HECW1: variants seen among roughly 807,000 people sequenced by gnomAD.
HECW1 encodes the protein E3 ubiquitin-protein ligase HECW1.
Under a neutral mutation model 182.3 loss-of-function variants are expected in HECW1, and 61 were observed. The ratio of observed to expected loss-of-function variants is 0.33; its 90% CI spans 0.27 to 0.41. The LOEUF (loss-of-function observed/expected upper bound fraction) is 0.41. Ranked by LOEUF, HECW1 falls within the 10% of genes least tolerant of loss-of-function variation. The pLI is 1.00. For missense variants in HECW1, 1,739 were observed against 2,108.9 expected, an observed-to-expected ratio of 0.82 and a Z score of 3.44; for synonymous variants, 859 against 832.6, an observed-to-expected ratio of 1.03 and a Z score of -0.55.
intron 19 of HECW1, among the ~76,000 whole-genome samples, chr7:43,499,131 AT>A (rs1388661446): frequency 6.6e-6 from 1 of 151,976 alleles, no homozygotes; most frequent in Non-Finnish European, 1.5e-5. Context: ...AAATACAAAA[AT>A]TAGCCAAGCC....
chr7:43,355,799 G>A (rs146803835), intron 5 of HECW1, among the ~76,000 whole-genome samples: 1,534 of 152,040 alleles, frequency 0.01, 14 homozygotes, highest in Non-Finnish European at 0.016. Flanking sequence ...GACCATCCTG[G>A]CCAACATGGT....
chr7:43,251,582 C>G (rs1031588385), intron 3 of HECW1, among the ~76,000 whole-genome samples: 3 of 152,198 alleles, frequency 2.0e-5, no homozygotes, highest in Non-Finnish European at 4.4e-5. Flanking sequence ...TCCCAAAGTG[C>G]TGAGATTACA....
intron 2 of HECW1, among the ~76,000 whole-genome samples, chr7:43,212,272 T>G (rs1317355328): frequency 1.3e-5 from 2 of 152,198 alleles, no homozygotes; most frequent in Non-Finnish European, 2.9e-5. Flanking sequence ...ATTAAGGTAG[T>G]CAAAATCTGG....
intron 13 of HECW1, among the ~76,000 whole-genome samples, chr7:43,459,303 A>G (rs1390157953): frequency 6.6e-6 from 1 of 152,204 alleles, no homozygotes; most frequent in Non-Finnish European, 1.5e-5. Flanking sequence ...GAAGTTTAAT[A>G]CTACTCAGTA....
At chr7:43,523,754 G>A (rs974146514) in intron 24 of HECW1, among the ~76,000 whole-genome samples, 3 of 152,210 alleles carry the variant, frequency 2.0e-5, no homozygotes, top group Non-Finnish European at 4.4e-5. Flanking sequence ...GAACCAGAGG[G>A]AGGGAGAGGC....
chr7:43,248,683 C>T (rs1799683594), intron 3 of HECW1: 2 of 136,564 alleles, frequency 1.5e-5, no homozygotes, highest in African/African-American at 2.9e-5. Context: ...TCCTCCTCCT[C>T]CTCCTCCTCC....
intron 3 of HECW1, among the ~76,000 whole-genome samples, chr7:43,284,076 G>T (rs1804281563): frequency 6.6e-6 from 1 of 152,144 alleles, no homozygotes; most frequent in East Asian, 1.9e-4. Flanking sequence ...GGGCTCTCCT[G>T]TGTTTGAGAT....
rs761747578 is a variant in HECW1 at position 43,206,860 on chromosome 7, A to C, written c.-31-37015A>C. Among the ~76,000 whole-genome samples, 6 of 151,496 alleles carry C rather than the reference A, an allele frequency of 4.0e-5. No homozygotes were observed. In the East Asian group the frequency reaches 1.2e-3, roughly 29 times the overall value. On this transcript the variant is annotated intron_variant, in intron 2 of 29. Coordinates refer to ENST00000395891, the MANE Select transcript of HECW1 (RefSeq NM_015052.5). ...ATCTTTAAGCTATTTAGAATGAAAA[A>C]CTCTCTCGGTCTTTGTTATAGCTGA...
intron 6 of HECW1, among the ~76,000 whole-genome samples, chr7:43,369,860 G>A (rs762137246): frequency 6.6e-6 from 1 of 152,168 alleles, no homozygotes; most frequent in Non-Finnish European, 1.5e-5. Context: ...AAATGGATGA[G>A]TTCACAGGTG....
At chr7:43,140,918 A>T (rs1788086697) in intron 2 of HECW1, among the ~76,000 whole-genome samples, 1 of 152,172 alleles carries the variant, frequency 6.6e-6, no homozygotes, top group Admixed American at 6.5e-5. Context: ...AGAGAGAGAG[A>T]CAGAGCTCCC....
intron 2 of HECW1, among the ~76,000 whole-genome samples, chr7:43,210,843 G>A (rs1278549503): frequency 1.3e-5 from 2 of 152,214 alleles, no homozygotes; most frequent in Non-Finnish European, 2.9e-5. Flanking sequence ...GTCTGCAATG[G>A]CGGTAAATAT....
intron 17 of HECW1, among the ~76,000 whole-genome samples, chr7:43,491,198 G>A (rs1450303683): frequency 6.6e-6 from 1 of 152,196 alleles, no homozygotes; most frequent in Non-Finnish European, 1.5e-5. Flanking sequence ...GTAAACAAGT[G>A]CTTTGCAGTC....
chr7:43,190,675 C>T (rs1002797766), intron 2 of HECW1, among the ~76,000 whole-genome samples: 2 of 152,208 alleles, frequency 1.3e-5, no homozygotes, highest in African/African-American at 4.8e-5. Flanking sequence ...TTGAGAAATG[C>T]TCTAACCATC....
At chr7:43,121,579 AG>A (rs1785625635) in intron 2 of HECW1, among the ~76,000 whole-genome samples, 2 of 152,128 alleles carry the variant, frequency 1.3e-5, no homozygotes, top group Non-Finnish European at 2.9e-5. Context: ...TTATACATAT[AG>A]TGATATTTTA....
intron 2 of HECW1, among the ~76,000 whole-genome samples, chr7:43,185,156 G>T (rs111657198): frequency 6.6e-5 from 10 of 152,226 alleles, no homozygotes; most frequent in Non-Finnish European, 8.8e-5. Flanking sequence ...GGGATGGTGG[G>T]GGGGAAGGGG....
At chr7:43,545,273 G>A (rs1035165734) in intron 26 of HECW1, among the ~76,000 whole-genome samples, 4 of 152,148 alleles carry the variant, frequency 2.6e-5, no homozygotes, top group Admixed American at 2.0e-4. Context: ...TTTATTCCAT[G>A]GCCATATACT....
In HECW1 at chr7:43,203,112, G is replaced by C. The variant is rs560428621; in HGVS notation, c.-31-40763G>C. On this transcript the variant is annotated intron_variant, in intron 2 of 29. Transcript: ENST00000395891. ...GACGCGCGTGACACTCAGGCGATCT[G>C]CCTGCCTCGACTTCCCAAAGTGCCG... 8.9e-4 allele frequency among the ~76,000 whole-genome samples: 135 copies of C among 152,238 alleles called. No homozygotes were observed. The Middle Eastern group carries it at 0.01, about 12-fold the overall frequency.
At chr7:43,300,718 ACCCC>A (rs1282919542) in intron 3 of HECW1, among the ~76,000 whole-genome samples, 4 of 152,048 alleles carry the variant, frequency 2.6e-5, no homozygotes, top group African/African-American at 9.7e-5. Context: ...TGCTGGTTCA[ACCCC>A]ACTGTGTACT....
intron 6 of HECW1, among the ~76,000 whole-genome samples, chr7:43,368,206 AG>A (rs1445323732): frequency 6.6e-6 from 1 of 152,206 alleles, no homozygotes; most frequent in Non-Finnish European, 1.5e-5. Context: ...ACAAGAAAAC[AG>A]GCAATGACAG....
Sources: gnomAD v4.1 joint callset for allele counts (sites outside exome capture counted in the v4.1 genomes callset) on GRCh38, gnomAD v4.1.1 for gene constraint, MANE v1.5 for transcripts, NCBI Gene and HGNC (gene_info 2026-07-23, HGNC 2026-07-21) for gene names.